RGS6: variants seen among roughly 807,000 people sequenced by gnomAD.
RGS6 encodes the protein regulator of G-protein signaling 6.
In RGS6, 30 loss-of-function variants were observed where a neutral mutation model predicts 78.5. The ratio of observed to expected loss-of-function variants is 0.38; its 90% CI spans 0.29 to 0.52. The LOEUF is 0.52. Among genes scored for constraint, RGS6 ranks in the 20% least tolerant of loss-of-function variants. The pLI is 0.85. For missense variants in RGS6, 495 were observed against 609.7 expected (o/e 0.81, Z 1.98); for synonymous variants, 206 against 206.0 (o/e 1.00, Z 0.00).
At chr14:72,391,694 A>G (rs2090030056) in intron 3 of RGS6, among the ~76,000 whole-genome samples, 1 of 152,124 alleles carries the variant, frequency 6.6e-6, no homozygotes, top group Non-Finnish European at 1.5e-5. Context: ...GGTTTGCTGC[A>G]CCCATCAACT....
chr14:71,879,877 CT>C, the RGS6 span, among the ~76,000 whole-genome samples: 2 of 152,142 alleles, frequency 1.3e-5, no homozygotes, highest in Admixed American at 1.3e-4. Context: ...AACTTTGGAA[CT>C]GGGTAACAGG....
intron 2 of RGS6, among the ~76,000 whole-genome samples, chr14:72,332,379 C>T (rs2075244940): frequency 6.6e-6 from 1 of 152,234 alleles, no homozygotes; most frequent in Non-Finnish European, 1.5e-5. Context: ...CATTTCATAA[C>T]ACCCCCAGTT....
chr14:72,585,934 A>C, the RGS6 span, among the ~76,000 whole-genome samples: 11 of 152,190 alleles, frequency 7.2e-5, no homozygotes, highest in Admixed American at 7.2e-4. Context: ...TCTCCAGTCT[A>C]TACTCCATAT....
At chr14:72,217,277 A>G (rs2045819950) in intron 2 of RGS6, among the ~76,000 whole-genome samples, 1 of 152,214 alleles carries the variant, frequency 6.6e-6, no homozygotes, top group South Asian at 2.1e-4. Context: ...TATGGGAGCA[A>G]TCTCATGAAA....
chr14:72,360,922 G>A (rs917391636), intron 3 of RGS6, among the ~76,000 whole-genome samples: 3 of 152,126 alleles, frequency 2.0e-5, no homozygotes, highest in East Asian at 1.9e-4. Flanking sequence ...TAGTGAGCAA[G>A]CTCTCACGAG....
At chr14:72,279,732 G>C (rs1409450499) in intron 2 of RGS6, among the ~76,000 whole-genome samples, 6 of 152,214 alleles carry the variant, frequency 3.9e-5, no homozygotes, top group Non-Finnish European at 8.8e-5. Context: ...TGGCGATGGG[G>C]TGTTGGTTCA....
At chr14:71,980,498 T>A (rs1356414891) in intron 2 of RGS6, among the ~76,000 whole-genome samples, 1 of 103,304 alleles carries the variant, frequency 9.7e-6, no homozygotes, top group Non-Finnish European at 2.1e-5. Flanking sequence ...CTGTAAAGTA[T>A]TTTATTTCTC....
At chr14:72,597,614 A>T in the RGS6 span, among the ~76,000 whole-genome samples, 2 of 146,046 alleles carry the variant, frequency 1.4e-5, no homozygotes, top group African/African-American at 4.9e-5. Context: ...GACACATAAT[A>T]ATTGTCCATA....
At chr14:72,386,678 C>T (rs553338593) in intron 3 of RGS6, among the ~76,000 whole-genome samples, 1 of 152,170 alleles carries the variant, frequency 6.6e-6, no homozygotes, top group African/African-American at 2.4e-5. Context: ...AAATCCAGAG[C>T]CCCATGATCC....
the RGS6 span, among the ~76,000 whole-genome samples, chr14:71,869,811 G>A: frequency 6.6e-6 from 1 of 152,122 alleles, no homozygotes; most frequent in African/African-American, 2.4e-5. Flanking sequence ...CCTTCAAGAT[G>A]CAATTAGGCC....
chr14:72,089,179 G>A (rs1243919341), intron 2 of RGS6, among the ~76,000 whole-genome samples: 2 of 152,152 alleles, frequency 1.3e-5, no homozygotes, highest in Non-Finnish European at 2.9e-5. Context: ...AACAGTGACT[G>A]GCACATGGAA....
At chr14:71,914,311 A>G in the RGS6 span, among the ~76,000 whole-genome samples, 2 of 152,192 alleles carry the variant, frequency 1.3e-5, no homozygotes, top group African/African-American at 4.8e-5. Context: ...CTCCTGAAAA[A>G]TCAATCTCTG....
chr14:72,213,941 C>T (rs1014902562), intron 2 of RGS6, among the ~76,000 whole-genome samples: 3 of 152,178 alleles, frequency 2.0e-5, no homozygotes, highest in Admixed American at 6.5e-5. Context: ...TTCTTGATGA[C>T]CTAGCTTCAT....
chr14:72,539,086 G>C (rs889133664), intron 16 of RGS6, among the ~76,000 whole-genome samples: 1 of 152,168 alleles, frequency 6.6e-6, no homozygotes, highest in Non-Finnish European at 1.5e-5. Flanking sequence ...GTATTTGAGC[G>C]GTCATTCTAC....
intron 2 of RGS6, among the ~76,000 whole-genome samples, chr14:71,992,631 A>G (rs1200932857): frequency 6.6e-6 from 1 of 152,238 alleles, no homozygotes. Context: ...TTTAGAAGCC[A>G]TGCTCTTAAC....
At chr14:71,962,773 G>A (rs1011841302) in intron 1 of RGS6, among the ~76,000 whole-genome samples, 2 of 152,014 alleles carry the variant, frequency 1.3e-5, no homozygotes, top group African/African-American at 4.8e-5. Context: ...GGATATTTTC[G>A]GCAATTAAAT....
chr14:72,306,165 C>A (rs960903702), intron 2 of RGS6, among the ~76,000 whole-genome samples: 26 of 152,264 alleles, frequency 1.7e-4, no homozygotes, highest in Admixed American at 1.6e-3. Context: ...AAAAATGGAA[C>A]AACGAAGCCC....
intron 3 of RGS6, among the ~76,000 whole-genome samples, chr14:72,358,174 C>T (rs1454353605): frequency 6.6e-6 from 1 of 152,166 alleles, no homozygotes; most frequent in Non-Finnish European, 1.5e-5. Flanking sequence ...ATAGAAACAC[C>T]TGGATGTCCA....
chr14:72,540,589 G>T, intron 17 of RGS6: 1 of 1,513,204 alleles, frequency 6.6e-7, no homozygotes, highest in Non-Finnish European at 8.9e-7. Context: ...CTTTTGCTGT[G>T]TGCAGAAAGC....
Sources: gnomAD v4.1 joint callset for allele counts (sites outside exome capture counted in the v4.1 genomes callset) on GRCh38, gnomAD v4.1.1 for gene constraint, MANE v1.5 for transcripts, NCBI Gene and HGNC (gene_info 2026-07-23, HGNC 2026-07-21) for gene names.